Variants in DSCAML1 observed in about 807,000 individuals in gnomAD.
The protein encoded by DSCAML1 is cell adhesion molecule DSCAML1.
A neutral mutation model predicts 200.5 loss-of-function variants in DSCAML1; 38 were observed. The observed-to-expected ratio is 0.19, with a 90% CI of 0.15 to 0.25. The LOEUF is 0.25. Ranked by LOEUF, DSCAML1 falls within the 10% of genes least tolerant of loss-of-function variation. The pLI, the probability that DSCAML1 is intolerant of heterozygous loss-of-function variation, is 1.00. For synonymous variants in DSCAML1, 1,215 were observed against 1,165.0 expected, an observed-to-expected ratio of 1.04 and a Z score of -0.87; for missense variants, 2,223 against 2,858.8, an observed-to-expected ratio of 0.78 and a Z score of 5.07.
chr11:117,787,442 G>A (rs191553035), intron 1 of DSCAML1, among the ~76,000 whole-genome samples: 33 of 152,272 alleles, frequency 2.2e-4, no homozygotes, highest in Non-Finnish European at 1.6e-4. Flanking sequence ...ACCTAAAACC[G>A]TGGTTCTCAA....
chr11:117,737,198 C>T (rs1160877420), intron 3 of DSCAML1, among the ~76,000 whole-genome samples: 1 of 152,194 alleles, frequency 6.6e-6, no homozygotes, highest in Non-Finnish European at 1.5e-5. Flanking sequence ...GTTTCAGCTC[C>T]CCTAGTTATA....
At chr11:117,705,959 C>T (rs563649388) in intron 3 of DSCAML1, among the ~76,000 whole-genome samples, 5 of 152,258 alleles carry the variant, frequency 3.3e-5, no homozygotes, top group South Asian at 2.1e-4. Context: ...TAGGACTTGG[C>T]GTCAGCTTTT....
intron 3 of DSCAML1, among the ~76,000 whole-genome samples, chr11:117,556,631 C>T (rs1396598838): frequency 1.3e-5 from 2 of 152,198 alleles, no homozygotes; most frequent in African/African-American, 2.4e-5. Context: ...GAGATACCAC[C>T]TGACCCCAGG....
At chr11:117,571,314 C>G (rs2050844448) in intron 3 of DSCAML1, among the ~76,000 whole-genome samples, 2 of 152,174 alleles carry the variant, frequency 1.3e-5, no homozygotes, top group Non-Finnish European at 2.9e-5. Context: ...TCACTCTTAC[C>G]CATCCTAGAG....
At chr11:117,447,257 C>T (rs1227456312) in intron 20 of DSCAML1, among the ~76,000 whole-genome samples, 1 of 152,178 alleles carries the variant, frequency 6.6e-6, no homozygotes, top group East Asian at 1.9e-4. Flanking sequence ...CACTGCACTC[C>T]AGCCTGGGTG....
intron 3 of DSCAML1, chr11:117,611,541 C>T (rs1321115372): frequency 6.6e-6 from 1 of 152,228 alleles, no homozygotes; most frequent in African/African-American, 2.4e-5. Flanking sequence ...AGGCACTCAA[C>T]CTTTTTATTG....
At chr11:117,687,488 A>G (rs377195129) in intron 3 of DSCAML1, among the ~76,000 whole-genome samples, 16 of 143,868 alleles carry the variant, frequency 1.1e-4, no homozygotes, top group African/African-American at 3.9e-4. Flanking sequence ...CTGGTCTCAA[A>G]CTCCTGGGCT....
intron 3 of DSCAML1, among the ~76,000 whole-genome samples, chr11:117,595,705 A>T (rs149852401): frequency 4.6e-5 from 7 of 152,142 alleles, no homozygotes; most frequent in African/African-American, 7.2e-5. Context: ...GAGTTTATCA[A>T]TGTCGCCCAT....
intron 3 of DSCAML1, among the ~76,000 whole-genome samples, chr11:117,540,047 C>A (rs2050238695): frequency 6.6e-6 from 1 of 152,180 alleles, no homozygotes; most frequent in Admixed American, 6.5e-5. Flanking sequence ...TGGCATGATT[C>A]TACTTTACTT....
At chr11:117,694,229 C>A (rs2053547863) in intron 3 of DSCAML1, among the ~76,000 whole-genome samples, 1 of 151,538 alleles carries the variant, frequency 6.6e-6, no homozygotes, top group Admixed American at 6.6e-5. Context: ...ATGGCGGAAC[C>A]CTGTCTCTAC....
At chr11:117,661,727 CCT>C (rs1054458601) in intron 3 of DSCAML1, among the ~76,000 whole-genome samples, 1 of 152,150 alleles carries the variant, frequency 6.6e-6, no homozygotes, top group Non-Finnish European at 1.5e-5. Flanking sequence ...TCAAAGGGCA[CCT>C]CTCTCTCATT....
rs374561691 is a variant in DSCAML1, at chr11:117,444,151, G to A, written c.3709-112C>T. 2.2e-4 allele frequency: 271 copies of A among 1,258,508 alleles called. 2 individuals carry two copies. The African/African-American group carries it at 3.5e-3, about 16-fold the overall frequency. The allele number at this position is 1,258,508 out of a possible 1,614,324, so 78.0% of individuals were successfully genotyped here. On this transcript the variant is annotated intron_variant, in intron 20 of 32. Transcript: ENST00000651296. ...AGAGGATGGCGGGGTCGGATGCGAG[G>A]CAGGATTCTGTCCTATTTGCCCTTT...
chr11:117,800,003 G>C (rs12417325), upstream of DSCAML1, among the ~76,000 whole-genome samples: 686 of 152,350 alleles, frequency 4.5e-3, 23 homozygotes, highest in Admixed American at 0.04. Flanking sequence ...TCCAGGAAAG[G>C]GGCTGCAGAA....
At chr11:117,737,334 G>A (rs1364620110) in intron 3 of DSCAML1, among the ~76,000 whole-genome samples, 1 of 152,232 alleles carries the variant, frequency 6.6e-6, no homozygotes, top group South Asian at 2.1e-4. Flanking sequence ...GCCAGGTTCC[G>A]CATCTGGTCC....
At chr11:117,472,193 C>CG (rs1369894108) in intron 14 of DSCAML1, among the ~76,000 whole-genome samples, 157 bp from the exon 15 acceptor site, 3 of 152,312 alleles carry the variant, frequency 2.0e-5, no homozygotes, top group Non-Finnish European at 4.4e-5. Context: ...ACTTCACAGA[C>CG]GGTGCAAGGG....
At chr11:117,814,443 C>T (rs1415377449) in intron 1 of DSCAML1, among the ~76,000 whole-genome samples, 1 of 152,228 alleles carries the variant, frequency 6.6e-6, no homozygotes, top group East Asian at 1.9e-4. Context: ...CCTCTGACCA[C>T]CCCAGCTGCC....
rs894908974 is a variant in DSCAML1 at position 117,759,295 on chromosome 11, G to A, written c.511+17496C>T. ...CCTGTGAACTTGGGTGTGTAAGAGGGAGGGGGAAATAGAGGAGGGGCAGGA... is the reference window on the plus strand; with the variant it reads ...CCTGTGAACTTGGGTGTGTAAGAGGAAGGGGGAAATAGAGGAGGGGCAGGA... On this transcript the variant is annotated intron_variant, in intron 3 of 32. Transcript: ENST00000651296. Among the ~76,000 whole-genome samples the A allele has an allele frequency of 9.8e-5, 15 of 152,304 alleles. No homozygotes were observed. The South Asian group carries it at 2.5e-3, about 25-fold the overall frequency.
At chr11:117,536,817 T>A (rs971539215) in intron 3 of DSCAML1, among the ~76,000 whole-genome samples, 1 of 152,220 alleles carries the variant, frequency 6.6e-6, no homozygotes, top group African/African-American at 2.4e-5. Flanking sequence ...CTTCCTTTTA[T>A]TATTACTACA....
Position 117,480,649 on chromosome 11 carries a change from G to C in DSCAML1, c.2657-78C>G. ...GCCTCCTGCTTGGCCCTGAGGATTG[G>C]CATCACCTGGGTCTAGCCAAGGACT... On this transcript the variant is annotated intron_variant, in intron 13 of 32. Coordinates refer to ENST00000651296, the MANE Select transcript of DSCAML1 (RefSeq NM_020693.4). The surrounding 1 kb of genome is among the most constrained non-coding windows in gnomAD (Gnocchi z 4.1). The C allele has an allele frequency of 6.6e-7, 1 of 1,513,074 alleles. No homozygotes were observed. The highest frequency in any genetic ancestry group is 8.9e-7 in the Non-Finnish European group (1 of 1,121,146). 93.7% of individuals were successfully genotyped at this position (1,513,074 alleles called of 1,614,324 possible).
Sources: gnomAD v4.1 joint callset for allele counts (sites outside exome capture counted in the v4.1 genomes callset) on GRCh38, gnomAD v4.1.1 for gene constraint, Gnocchi (gnomAD v3.1) non-coding constraint, MANE v1.5 for transcripts, NCBI Gene and HGNC (gene_info 2026-07-23, HGNC 2026-07-21) for gene names.